SYCE1L: variants seen among roughly 807,000 people sequenced by gnomAD.
The protein encoded by SYCE1L is synaptonemal complex central element protein 1-like.
SYCE1L carries 51 observed loss-of-function variants against 39.6 expected under a neutral mutation model. The ratio of observed to expected loss-of-function variants is 1.29; its 90% CI spans 1.03 to 1.63. The LOEUF is 1.63. Ranked by LOEUF, SYCE1L falls within the 40% of genes most tolerant of loss-of-function variation. SYCE1L has a pLI of 0.00. For missense variants in SYCE1L, 426 were observed against 304.9 expected (o/e 1.40, Z -2.96); for synonymous variants, 147 against 122.4 (o/e 1.20, Z -1.33).
chr16:77,208,103 A>G (rs897427973), intron 2 of SYCE1L, 107 bp from the exon 3 acceptor site: 24 of 1,174,352 alleles, frequency 2.0e-5, no homozygotes, highest in Admixed American at 1.3e-4. Context: ...CAGGCGCTCA[A>G]TATATGCCGG....
Position 77,212,558 on chromosome 16 carries a change from G to C in SYCE1L, c.582-16G>C. 6.5e-7 allele frequency: 1 copy of C among 1,536,838 alleles called. No individual in the cohort carries two copies. Among genetic ancestry groups the C allele is most frequent in the Non-Finnish European group, 8.7e-7 (1 of 1,146,594 alleles). ...CTCGCTCTCTTCCTCCTGTCTCCTC[G>C]GCCCCTTCTCCGCAGGCTGAAGGCG... On this transcript the variant is annotated splice_polypyrimidine_tract_variant and intron_variant, in intron 9 of 10. Coordinates refer to ENST00000378644, the MANE Select transcript of SYCE1L (RefSeq NM_001129979.3).
chr16:77,202,140 G>T (rs1460514769), intron 1 of SYCE1L: 1 of 152,236 alleles, frequency 6.6e-6, no homozygotes, highest in African/African-American at 2.4e-5. Context: ...GGCACCTGAG[G>T]ATCCTATATT....
chr16:77,209,043 A>C, intron 4 of SYCE1L, 54 bp from the exon 5 acceptor site: 1 of 1,537,916 alleles, frequency 6.5e-7, no homozygotes. Flanking sequence ...ATGAAGTTGC[A>C]CTGGGGATGG....
intron 3 of SYCE1L, 26 bp from the exon 4 acceptor site, chr16:77,208,439 A>G: frequency 7.7e-6 from 12 of 1,551,588 alleles, no homozygotes; most frequent in South Asian, 1.2e-5. Flanking sequence ...ACACTCATAC[A>G]GTGTCTTTTT....
intron 10 of SYCE1L, 105 bp downstream of exon 10, chr16:77,212,751 G>A (rs2054834631): frequency 7.0e-7 from 1 of 1,423,642 alleles, no homozygotes; most frequent in Middle Eastern, 2.6e-4. Context: ...GTGGGGAGCA[G>A]GGCGGCCCCG....
rs537499949 is a variant in SYCE1L at position 77,207,762 on chromosome 16, C to T, written c.122-448C>T. On this transcript the variant is annotated intron_variant, in intron 2 of 10. Coordinates refer to ENST00000378644, the MANE Select transcript of SYCE1L (RefSeq NM_001129979.3). ...GAGCCACACCAGCCCCTCACTGTTA[C>T]TTTGGACACGTGCCTCACCCGCTCC... is the stretch of plus-strand genomic sequence containing the variant. Among the ~76,000 whole-genome samples, 167 of 152,252 alleles carry T rather than the reference C, an allele frequency of 1.1e-3. 1 individual carries two copies. Among genetic ancestry groups the T allele is most frequent in the Non-Finnish European group, 1.0e-3 (68 of 68,008 alleles).
chr16:77,205,547 T>C (rs909360365), intron 1 of SYCE1L, among the ~76,000 whole-genome samples: 2 of 151,010 alleles, frequency 1.3e-5, no homozygotes, highest in African/African-American at 2.4e-5. Context: ...AAGTCTTTTT[T>C]AATCTGTAGG....
At chr16:77,212,256 T>C (rs2054828622) in intron 8 of SYCE1L, 26 bp from the exon 9 acceptor site, 1 of 1,524,734 alleles carries the variant, frequency 6.6e-7, no homozygotes, top group African/African-American at 1.4e-5. Context: ...GCCTCGGCCC[T>C]GCCCCTGACG....
chr16:77,207,532 C>A (rs926014903), intron 2 of SYCE1L, among the ~76,000 whole-genome samples: 8 of 152,312 alleles, frequency 5.3e-5, no homozygotes, highest in Admixed American at 5.2e-4. Flanking sequence ...TCAGATGAGG[C>A]CAGTACCAGA....
At position 77,200,272 on chromosome 16, in the gene SYCE1L, G is replaced by GTATATATATATATATATATATATATATA. The variant is rs1333107439; in HGVS notation, c.61+761_61+762insATATATATATATATATATATATATATAT. On this transcript the variant is annotated intron_variant, in intron 1 of 10. Coordinates refer to ENST00000378644, the MANE Select transcript of SYCE1L (RefSeq NM_001129979.3). ...TGTATATGTGTATATATATATATATGTGTATATATATATATATATACACAC... is the reference window on the plus strand; with the variant it reads ...TGTATATGTGTATATATATATATATGTATATATATATATATATATATATATATATGTATATATATATATATATACACAC... 46 of 84,604 alleles carry GTATATATATATATATATATATATATATA rather than the reference G, an allele frequency of 5.4e-4. 1 individual carries two copies. The highest frequency in any genetic ancestry group is 7.2e-4 in the Non-Finnish European group (31 of 42,896). 5.2% of individuals were successfully genotyped at this position (84,604 alleles called of 1,614,324 possible).
chr16:77,211,096 T>G, intron 6 of SYCE1L, 117 bp from the exon 7 acceptor site: 1 of 1,140,338 alleles, frequency 8.8e-7, no homozygotes, highest in Non-Finnish European at 1.3e-6. Flanking sequence ...ATAAAACCCA[T>G]GAAGGGGCTC....
Position 77,208,366 on chromosome 16 carries a change from T to C in SYCE1L, c.181+97T>C. 4 of 1,541,796 alleles carry C rather than the reference T, an allele frequency of 2.6e-6. No homozygotes were observed. In the South Asian group the frequency reaches 3.6e-5, roughly 14 times the overall value. On this transcript the variant is annotated intron_variant, in intron 3 of 10. Transcript: ENST00000378644. ...CTCATCTATAAAATCTAGGCCCCTC[T>C]AGGGTTGTTTGAAGATGACTGTGCA...
intron 2 of SYCE1L, among the ~76,000 whole-genome samples, chr16:77,207,772 G>A (rs12447059): frequency 0.29 from 43,974 of 151,888 alleles, 7,841 homozygotes; most frequent in Non-Finnish European, 0.39. Flanking sequence ...CTTTGGACAC[G>A]TGCCTCACCC....
At chr16:77,199,851 G>A (rs781002276) in intron 1 of SYCE1L, 50 of 203,890 alleles carry the variant, frequency 2.5e-4, no homozygotes, top group Non-Finnish European at 3.0e-4. Flanking sequence ...CTTATTAACA[G>A]TAATTCCCAG....
intron 2 of SYCE1L, 44 bp downstream of exon 2, chr16:77,206,544 G>C: frequency 1.3e-6 from 2 of 1,543,878 alleles, no homozygotes; most frequent in South Asian, 2.4e-5. Flanking sequence ...GGGGTTTCAA[G>C]TCAGAAAGAC....
At chr16:77,200,030 C>G (rs1055829531) in intron 1 of SYCE1L, 1 of 150,786 alleles carries the variant, frequency 6.6e-6, no homozygotes, top group Admixed American at 6.6e-5. Flanking sequence ...GTATTCCATC[C>G]AAAAGAAAAA....
rs891387197 is a variant in SYCE1L, at chr16:77,208,451, C to T, written c.182-14C>T. On this transcript the variant is annotated splice_polypyrimidine_tract_variant and intron_variant, in intron 3 of 10. Transcript: ENST00000378644. The stretch of plus-strand genomic sequence containing the variant: ...ACTACACTCATACAGTGTCTTTTTC[C>T]CTTCTTGGCCCAGCAAAGAAGAAAT... 2.7e-5 allele frequency: 42 copies of T among 1,551,236 alleles called. No individual in the cohort carries two copies. The highest frequency in any genetic ancestry group is 1.4e-4 in the South Asian group (12 of 84,042).
chr16:77,212,987 G>A lies in SYCE1L; in HGVS notation c.*56G>A. The stretch of plus-strand genomic sequence containing the variant: ...CCTCGAGACCCGCCAAGAAATAAAG[G>A]CGATGATTTCCGACCATGCTCGCGT... On this transcript the variant is annotated 3_prime_UTR_variant, in exon 11 of 11. Transcript: ENST00000378644. The A allele has an allele frequency of 7.0e-7, 1 of 1,430,302 alleles. No homozygotes were observed. The highest frequency in any genetic ancestry group is 9.3e-7 in the Non-Finnish European group (1 of 1,080,348). 88.6% of individuals were successfully genotyped at this position (1,430,302 alleles called of 1,614,324 possible). A position where few individuals can be genotyped will look rare whatever the true frequency, so the allele number is the denominator to read the frequency against.
Position 77,212,939 on chromosome 16 carries a change from G to A in SYCE1L, c.*8G>A, listed in dbSNP as rs1244486100. ...GCCCCTGACGCCCTCTAGGCCAGCA[G>A]GACCCGCCCGTTCCCGACCTTCCCT... On this transcript the variant is annotated 3_prime_UTR_variant, in exon 11 of 11. Coordinates refer to ENST00000378644, the MANE Select transcript of SYCE1L (RefSeq NM_001129979.3). 3 of 1,502,794 alleles carry A rather than the reference G, an allele frequency of 2.0e-6. No individual in the cohort carries two copies. The highest frequency in any genetic ancestry group is 1.4e-5 in the African/African-American group (1 of 70,708). The allele number at this position is 1,502,794 out of a possible 1,614,324, so 93.1% of individuals were successfully genotyped here.
Sources: allele counts gnomAD v4.1 joint callset (sites outside exome capture counted in the v4.1 genomes callset), GRCh38; gene constraint gnomAD v4.1.1; transcripts MANE v1.5; gene names NCBI Gene and HGNC (gene_info 2026-07-23, HGNC 2026-07-21).